PNOC: variants seen among roughly 807,000 people sequenced by gnomAD.
The protein encoded by PNOC is prepronociceptin, also known as nociceptin.
Under a neutral mutation model 15.6 loss-of-function variants are expected in PNOC, and 10 were observed. That is an observed-to-expected ratio of 0.64 (90% CI 0.40 to 1.09). The LOEUF (loss-of-function observed/expected upper bound fraction) is 1.09. Ranked by LOEUF, PNOC falls within the 50% of genes least tolerant of loss-of-function variation. The pLI, the probability that PNOC is intolerant of heterozygous loss-of-function variation, is 0.01. For missense variants in PNOC, 220 were observed against 223.9 expected (o/e 0.98, Z 0.11); for synonymous variants, 98 against 88.5 (o/e 1.11, Z -0.60).
intron 1 of PNOC, among the ~76,000 whole-genome samples, chr8:28,317,733 G>A (rs939267084): frequency 2.0e-5 from 3 of 152,108 alleles, no homozygotes; most frequent in South Asian, 2.1e-4. Flanking sequence ...CCCTCATGAG[G>A]GTTTCCTCTC....
Position 28,339,421 on chromosome 8 carries a change from C to G in PNOC, c.508C>G (p.Leu170Val). The G allele has an allele frequency of 2.6e-6, 4 of 1,543,980 alleles. 1 individual carries two copies. In the South Asian group the frequency reaches 3.7e-5, roughly 14 times the overall value. The change falls in exon 3 of 4, where the codon CTG becomes GTG. Residue 170 changes from leucine to valine, a missense_variant. Transcript: ENST00000301908. ...GCAGTCCAGCCAGCGCCGGCGCACC[C>G]TGCACCAGAATGGTAATGTGTAGCC... ...SMQSSQRRRT[L>V]HQNGNV
intron 1 of PNOC, among the ~76,000 whole-genome samples, chr8:28,322,355 G>A (rs1267638827): frequency 6.6e-6 from 1 of 152,108 alleles, no homozygotes; most frequent in African/African-American, 2.4e-5. Context: ...TAGCGCCACT[G>A]AACTCCAGCC....
intron 1 of PNOC, among the ~76,000 whole-genome samples, chr8:28,319,766 G>A (rs1801117148): frequency 6.6e-6 from 1 of 152,150 alleles, no homozygotes; most frequent in Non-Finnish European, 1.5e-5. Flanking sequence ...CCGAGTCTGG[G>A]TGGAGCTACT....
Position 28,330,560 on chromosome 8 carries a change from CT to C in PNOC, c.126+1295del, listed in dbSNP as rs34364812. 9.8e-3 allele frequency among the ~76,000 whole-genome samples: 1,031 copies of C among 105,036 alleles called. 9 individuals are homozygous for C. Among genetic ancestry groups the C allele is most frequent in the East Asian group, 0.035 (138 of 3,972 alleles). 68.9% of individuals were successfully genotyped at this position (105,036 alleles called of 152,430 possible). ...AGGTGCCCACCACCACACCCGGCTA[CT>C]TTTTTTTTTTTTTTTTTGTATTTTT... On this transcript the variant is annotated intron_variant, in intron 2 of 3. Transcript: ENST00000301908.
intron 2 of PNOC, among the ~76,000 whole-genome samples, chr8:28,335,241 C>A (rs1801392832): frequency 6.6e-6 from 1 of 152,198 alleles, no homozygotes; most frequent in Non-Finnish European, 1.5e-5. Flanking sequence ...TAATTGCCAC[C>A]AATTCATATT....
Position 28,329,197 on chromosome 8 carries a change from T to C in PNOC, c.40T>C (p.Phe14Leu), listed in dbSNP as rs1443038008. 3 of 1,613,950 alleles carry C rather than the reference T, an allele frequency of 1.9e-6. No homozygotes were observed. The highest frequency in any genetic ancestry group is 2.5e-6 in the Non-Finnish European group (3 of 1,180,042). The change falls in exon 2 of 4, where the codon TTC (phenylalanine) becomes CTC (leucine). Residue 14 changes from phenylalanine (F) to leucine (L), a missense_variant. Coordinates refer to ENST00000301908, the MANE Select transcript of PNOC (RefSeq NM_006228.5). ...LLCDLLLLSL[F>L]SSVFSSCQRD... Reference sequence around the variant, plus strand: ...TTGTGACCTGCTGCTGCTCAGTCTCTTCTCCAGTGTGTTCAGCAGTTGTCA... The same window carrying C: ...TTGTGACCTGCTGCTGCTCAGTCTCCTCTCCAGTGTGTTCAGCAGTTGTCA...
At chr8:28,330,396 A>ATTTTATTTTTTTTT (rs377288105) in intron 2 of PNOC, among the ~76,000 whole-genome samples, 8 of 80,450 alleles carry the variant, frequency 9.9e-5, no homozygotes, top group African/African-American at 3.1e-4. Flanking sequence ...ATTTTATTTT[A>ATTTTATTTTTTTTT]TTTTTTTTTT....
At chr8:28,323,527 T>C (rs1342699717) in intron 1 of PNOC, among the ~76,000 whole-genome samples, 9 of 152,244 alleles carry the variant, frequency 5.9e-5, no homozygotes, top group Admixed American at 5.9e-4. Flanking sequence ...TTACAAAGTA[T>C]AAAGTTTCAG....
intron 1 of PNOC, among the ~76,000 whole-genome samples, chr8:28,325,882 G>T (rs1471141200): frequency 2.6e-5 from 4 of 152,034 alleles, no homozygotes; most frequent in Non-Finnish European, 5.9e-5. Flanking sequence ...TGGCTTGGGG[G>T]GAAGCCAGAT....
rs186655727 is a variant in PNOC, at chr8:28,339,799, C to T, written c.*47+308C>T. 2.7e-5 allele frequency: 5 copies of T among 184,550 alleles called. No individual in the cohort carries two copies. In the East Asian group the frequency reaches 4.2e-4, roughly 15 times the overall value. The allele number at this position is 184,550 out of a possible 1,614,324, so 11.4% of individuals were successfully genotyped here. On this transcript the variant is annotated intron_variant, in intron 3 of 3. Coordinates refer to ENST00000301908, the MANE Select transcript of PNOC (RefSeq NM_006228.5). ...ATGGGGACAGTTAAGTGGACCAATA[C>T]GCCCATCCAGTTGCCACAGCAACCA...
At position 28,339,435 on chromosome 8, in the gene PNOC, T is replaced by C. The variant is rs1260986595; in HGVS notation, c.522T>C (p.Gly174=). The change falls in exon 3 of 4, where the codon GGT becomes GGC. Residue 174 remains glycine (G), a synonymous_variant. Transcript: ENST00000301908. The part of the protein sequence containing the change: ...SQRRRTLHQN[G]NV ...GCCGGCGCACCCTGCACCAGAATGG[T>C]AATGTGTAGCCGGAAGGGGCGCTCC... 6.5e-7 allele frequency: 1 copy of C among 1,532,994 alleles called. No homozygotes were observed. Among genetic ancestry groups the C allele is most frequent in the East Asian group, 2.3e-5 (1 of 43,986 alleles). The allele number at this position is 1,532,994 out of a possible 1,614,324, so 95.0% of individuals were successfully genotyped here. A position where few individuals can be genotyped will look rare whatever the true frequency, so the allele number is the denominator to read the frequency against.
chr8:28,338,851 G>A (rs1007761091), intron 2 of PNOC, 189 bp from the exon 3 acceptor site: 4 of 1,062,624 alleles, frequency 3.8e-6, no homozygotes, highest in African/African-American at 1.6e-5. Context: ...TGGGTCAGAT[G>A]ATTCTCTGTT....
intron 1 of PNOC, among the ~76,000 whole-genome samples, chr8:28,321,509 G>A (rs1801152155): frequency 6.6e-6 from 1 of 152,074 alleles, no homozygotes; most frequent in Non-Finnish European, 1.5e-5. Context: ...CTGCCCGGAA[G>A]CTACTTCCCC....
intron 3 of PNOC, among the ~76,000 whole-genome samples, chr8:28,340,411 A>G (rs372878414): frequency 2.9e-4 from 44 of 152,298 alleles, no homozygotes; most frequent in African/African-American, 1.0e-3. Flanking sequence ...TCAAAACCCA[A>G]CTTTCCTTAG....
intron 3 of PNOC, among the ~76,000 whole-genome samples, chr8:28,342,658 G>A (rs959463769): frequency 2.4e-4 from 37 of 152,138 alleles, no homozygotes; most frequent in Non-Finnish European, 3.7e-4. Context: ...CATGGGCTCC[G>A]AATACCAGCA....
At chr8:28,320,537 C>T (rs965880721) in intron 1 of PNOC, among the ~76,000 whole-genome samples, 1 of 152,050 alleles carries the variant, frequency 6.6e-6, no homozygotes, top group Admixed American at 6.6e-5. Context: ...TACTCAAAAT[C>T]GACTGCTAGG....
intron 2 of PNOC, among the ~76,000 whole-genome samples, chr8:28,331,718 T>C (rs1213012276): frequency 6.6e-6 from 1 of 152,232 alleles, no homozygotes; most frequent in Non-Finnish European, 1.5e-5. Flanking sequence ...AAGTGTCCTC[T>C]GGTAAGAGAA....
intron 2 of PNOC, chr8:28,338,717 T>TG: frequency 2.8e-6 from 3 of 1,054,774 alleles, no homozygotes; most frequent in Non-Finnish European, 3.4e-6. Flanking sequence ...CGACTAAAGA[T>TG]GTAACAAGGT....
At chr8:28,331,609 G>A (rs1361166957) in intron 2 of PNOC, among the ~76,000 whole-genome samples, 2 of 152,108 alleles carry the variant, frequency 1.3e-5, no homozygotes, top group Non-Finnish European at 1.5e-5. Flanking sequence ...ACTTTCCATA[G>A]TTCCCAGAAA....
Sources: gnomAD v4.1 joint callset for allele counts (sites outside exome capture counted in the v4.1 genomes callset) on GRCh38, gnomAD v4.1.1 for gene constraint, MANE v1.5 for transcripts, NCBI Gene and HGNC (gene_info 2026-07-23, HGNC 2026-07-21) for gene names.